ANKRD55: variants seen among roughly 807,000 people sequenced by gnomAD.
The protein encoded by ANKRD55 is ankyrin repeat domain 55, also known as ankyrin repeat domain-containing protein 55.
In ANKRD55, 41 loss-of-function variants were observed where a neutral mutation model predicts 60.6. That is an observed-to-expected ratio of 0.68 (90% CI 0.53 to 0.88). The LOEUF (loss-of-function observed/expected upper bound fraction) is 0.88, where lower values mean the gene tolerates loss of function less well. Ranked by LOEUF, ANKRD55 falls within the 40% of genes least tolerant of loss-of-function variation. The probability of loss-of-function intolerance (pLI) is 0.00; values close to 1 mark genes in which losing one functional copy is unlikely to be tolerated. For synonymous variants in ANKRD55, 264 were observed against 290.3 expected, an observed-to-expected ratio of 0.91 and a Z score of 0.92; for missense variants, 732 against 767.6, an observed-to-expected ratio of 0.95 and a Z score of 0.55.
intron 5 of ANKRD55, among the ~76,000 whole-genome samples, chr5:56,167,814 G>A (rs960393714): frequency 6.6e-6 from 1 of 152,108 alleles, no homozygotes; most frequent in Non-Finnish European, 1.5e-5. Context: ...CTCAAGAGTC[G>A]AGGAGTACTG....
At chr5:56,157,740 A>G (rs1758229025) in intron 6 of ANKRD55, among the ~76,000 whole-genome samples, 1 of 151,976 alleles carries the variant, frequency 6.6e-6, no homozygotes, top group Admixed American at 6.6e-5. Flanking sequence ...CTATTACCCT[A>G]TTGTCCTGCC....
At chr5:56,155,246 C>G (rs901465817) in intron 6 of ANKRD55, among the ~76,000 whole-genome samples, 2 of 150,246 alleles carry the variant, frequency 1.3e-5, no homozygotes, top group African/African-American at 4.9e-5. Context: ...AGTTTTCCAA[C>G]GAGCCCAGCA....
At chr5:56,165,373 A>G (rs912135500) in intron 5 of ANKRD55, among the ~76,000 whole-genome samples, 9 of 152,152 alleles carry the variant, frequency 5.9e-5, no homozygotes, top group Non-Finnish European at 1.3e-4. Context: ...TGAGGTGAAG[A>G]AGGCCAGGAT....
At chr5:56,141,233 A>G (rs138751612) in intron 7 of ANKRD55, among the ~76,000 whole-genome samples, 250 of 149,836 alleles carry the variant, frequency 1.7e-3, no homozygotes, top group Middle Eastern at 0.011. Context: ...CGGATTCCCA[A>G]AGAGGTGAGA....
intron 7 of ANKRD55, chr5:56,137,135 A>G: frequency 7.5e-7 from 1 of 1,336,598 alleles, no homozygotes; most frequent in East Asian, 2.3e-5. Flanking sequence ...ATGTCACTTT[A>G]CAGAAACAGT....
At chr5:56,183,378 T>C in intron 3 of ANKRD55, 134 bp downstream of exon 3, 1 of 1,160,566 alleles carries the variant, frequency 8.6e-7, no homozygotes, top group African/African-American at 1.6e-5. Context: ...TAAGAGGCGA[T>C]GTGGTACCTG....
chr5:56,200,553 C>A (rs1402610500), intron 2 of ANKRD55, among the ~76,000 whole-genome samples: 1 of 152,124 alleles, frequency 6.6e-6, no homozygotes, highest in Non-Finnish European at 1.5e-5. Flanking sequence ...CTTAGAGTAT[C>A]TCAAGTTTTA....
chr5:56,131,019 C>G (rs577542939), intron 7 of ANKRD55, among the ~76,000 whole-genome samples: 145 of 151,560 alleles, frequency 9.6e-4, no homozygotes, highest in African/African-American at 3.4e-3. Context: ...AACATACAGG[C>G]AATAGGAATA....
chr5:56,221,920 C>T (rs1234353698), intron 2 of ANKRD55, among the ~76,000 whole-genome samples: 1 of 152,234 alleles, frequency 6.6e-6, no homozygotes, highest in East Asian at 1.9e-4. Context: ...CCTCTGGGGG[C>T]AGGGCATAGC....
chr5:56,136,211 T>C (rs2111743945), intron 7 of ANKRD55, among the ~76,000 whole-genome samples: 1 of 152,358 alleles, frequency 6.6e-6, no homozygotes, highest in South Asian at 2.1e-4. Flanking sequence ...AGATTCAATA[T>C]AGTCCCTATC....
intron 7 of ANKRD55, among the ~76,000 whole-genome samples, chr5:56,143,058 C>T (rs1757812001): frequency 6.6e-6 from 1 of 152,188 alleles, no homozygotes; most frequent in Non-Finnish European, 1.5e-5. Flanking sequence ...AAACTATTCT[C>T]ACAGGGTCCT....
chr5:56,149,945 G>A (rs1758000657), intron 6 of ANKRD55, among the ~76,000 whole-genome samples: 1 of 151,598 alleles, frequency 6.6e-6, no homozygotes, highest in Non-Finnish European at 1.5e-5. Context: ...GGGTTCAAGA[G>A]ATTCTCCTGC....
At chr5:56,153,195 A>C (rs988746602) in intron 6 of ANKRD55, among the ~76,000 whole-genome samples, 1 of 152,186 alleles carries the variant, frequency 6.6e-6, no homozygotes, top group African/African-American at 2.4e-5. Context: ...TCATCTCATT[A>C]ATCAGGGAAA....
At chr5:56,230,240 G>A (rs925922304) in intron 2 of ANKRD55, among the ~76,000 whole-genome samples, 23 of 152,066 alleles carry the variant, frequency 1.5e-4, no homozygotes, top group African/African-American at 4.3e-4. Flanking sequence ...GACTACAGGC[G>A]TGTGTCACCA....
intron 10 of ANKRD55, among the ~76,000 whole-genome samples, chr5:56,105,096 T>C (rs921231360): frequency 1.3e-5 from 2 of 151,230 alleles, no homozygotes; most frequent in African/African-American, 4.8e-5. Flanking sequence ...TTTTTTTTTT[T>C]TTTTTTTGGA....
Position 56,195,507 on chromosome 5 carries a change from G to T in ANKRD55, c.59-11873C>A, listed in dbSNP as rs558363674. ...CCCCCAGGCTGGAGTGCAGTGTCGC[G>T]ATCTCGGCTCACTGCAACTTCTGCC... On this transcript the variant is annotated intron_variant, in intron 2 of 11. Transcript: ENST00000341048. Among the ~76,000 whole-genome samples, 7 of 152,210 alleles carry T rather than the reference G, an allele frequency of 4.6e-5. No homozygotes were observed. The South Asian group carries it at 1.5e-3, about 32-fold the overall frequency.
chr5:56,119,760 A>T (rs1057361635), intron 8 of ANKRD55, among the ~76,000 whole-genome samples: 3 of 151,318 alleles, frequency 2.0e-5, no homozygotes, highest in Non-Finnish European at 1.5e-5. Flanking sequence ...CAAAAAAAAT[A>T]TAAAAATTAG....
intron 2 of ANKRD55, among the ~76,000 whole-genome samples, chr5:56,214,351 C>T (rs1474528872): frequency 2.6e-5 from 4 of 152,180 alleles, no homozygotes; most frequent in Admixed American, 2.6e-4. Flanking sequence ...TTATAATAAT[C>T]ACTAGCACTT....
rs773841705 is a variant in ANKRD55, at chr5:56,197,750, TC to T, written c.59-14117del. Among the ~76,000 whole-genome samples the T allele has an allele frequency of 9.8e-5, 15 of 152,330 alleles. 1 individual carries two copies. The highest frequency in any genetic ancestry group is 1.9e-4 in the Non-Finnish European group (13 of 68,014). ...ATATCATAAATTTCAGAGGAGTTTT[TC>T]TTACTGTAATGAGATACGAAAATAA... is the stretch of plus-strand genomic sequence containing the variant. On this transcript the variant is annotated intron_variant, in intron 2 of 11. Coordinates refer to ENST00000341048, the MANE Select transcript of ANKRD55 (RefSeq NM_024669.3).
Sources: allele counts gnomAD v4.1 joint callset (sites outside exome capture counted in the v4.1 genomes callset), GRCh38; gene constraint gnomAD v4.1.1; transcripts MANE v1.5; gene names NCBI Gene and HGNC (gene_info 2026-07-23, HGNC 2026-07-21).